The following CHN2 variants were observed in gnomAD, a reference collection of about 807,000 sequenced individuals.
CHN2 encodes the protein beta-chimaerin.
Under a neutral mutation model 56.3 loss-of-function variants are expected in CHN2, and 35 were observed. The observed-to-expected ratio is 0.62, with a 90% CI of 0.47 to 0.82. CHN2 has a LOEUF of 0.82. Ranked by LOEUF, CHN2 falls within the 40% of genes least tolerant of loss-of-function variation. The pLI is 0.00. For synonymous variants in CHN2, 210 were observed against 212.8 expected, an observed-to-expected ratio of 0.99 and a Z score of 0.12; for missense variants, 491 against 580.5, an observed-to-expected ratio of 0.85 and a Z score of 1.58.
upstream of CHN2, chr7:29,194,150 G>C (rs1488842346): frequency 6.7e-6 from 1 of 149,656 alleles, no homozygotes; most frequent in African/African-American, 2.5e-5. Flanking sequence ...CTCGCTGCTC[G>C]AGAGCCCGGC....
intron 1 of CHN2, among the ~76,000 whole-genome samples, chr7:29,350,276 A>G (rs957161112): frequency 9.3e-5 from 14 of 150,670 alleles, no homozygotes; most frequent in African/African-American, 3.5e-4. Flanking sequence ...GAACTAAATG[A>G]CCTTGAAAAC....
At chr7:29,260,423 G>A (rs1012512348) in intron 1 of CHN2, among the ~76,000 whole-genome samples, 6 of 152,058 alleles carry the variant, frequency 3.9e-5, no homozygotes, top group African/African-American at 1.2e-4. Flanking sequence ...TTTCATTTGC[G>A]GAACTGGGTA....
At chr7:29,387,624 G>C (rs1167777600) in intron 3 of CHN2, among the ~76,000 whole-genome samples, 2 of 152,184 alleles carry the variant, frequency 1.3e-5, no homozygotes, top group African/African-American at 2.4e-5. Context: ...TGCTGGCCCC[G>C]TGATCACACT....
intron 6 of CHN2, among the ~76,000 whole-genome samples, chr7:29,406,793 C>T (rs1802689123): frequency 6.6e-6 from 1 of 152,154 alleles, no homozygotes. Context: ...TGATTCCCAC[C>T]TGCATTTAAA....
chr7:29,329,824 A>G (rs117971613), intron 1 of CHN2, among the ~76,000 whole-genome samples: 2 of 152,296 alleles, frequency 1.3e-5, no homozygotes, highest in Non-Finnish European at 2.9e-5. Context: ...TCCTCTTATA[A>G]CTCTTAAAAC....
intron 1 of CHN2, among the ~76,000 whole-genome samples, chr7:29,263,317 C>T (rs1043267212): frequency 1.3e-5 from 2 of 152,206 alleles, no homozygotes; most frequent in Non-Finnish European, 2.9e-5. Context: ...GACGGAGTCT[C>T]GCTCACTCAG....
upstream of CHN2, among the ~76,000 whole-genome samples, chr7:29,190,229 T>G (rs780968410): frequency 1.8e-4 from 27 of 152,342 alleles, no homozygotes; most frequent in Non-Finnish European, 7.3e-5. Context: ...GTTGAGAAAT[T>G]GATGGCAAAA....
chr7:29,393,817 T>C (rs1001059998), intron 4 of CHN2, 107 bp downstream of exon 4: 2 of 364,002 alleles, frequency 5.5e-6, no homozygotes, highest in African/African-American at 4.4e-5. Context: ...ATATGTCTAT[T>C]GTGCAAGAGT....
At chr7:29,306,366 T>C (rs1218280326) in intron 1 of CHN2, among the ~76,000 whole-genome samples, 1 of 152,190 alleles carries the variant, frequency 6.6e-6, no homozygotes, top group Non-Finnish European at 1.5e-5. Flanking sequence ...ACTGGCATCA[T>C]GCAAAAGAAA....
intron 2 of CHN2, among the ~76,000 whole-genome samples, chr7:29,165,154 A>G (rs1795740365): frequency 6.6e-6 from 1 of 152,198 alleles, no homozygotes; most frequent in Non-Finnish European, 1.5e-5. Flanking sequence ...GAGAATAGAT[A>G]TCTAAATAAT....
intron 1 of CHN2, among the ~76,000 whole-genome samples, chr7:29,319,069 G>A (rs1562914691): frequency 1.3e-5 from 2 of 152,156 alleles, no homozygotes; most frequent in Non-Finnish European, 2.9e-5. Flanking sequence ...AGGCTAAGAC[G>A]GGAACTGAGG....
chr7:29,353,833 A>G lies in CHN2; in HGVS notation c.50-792A>G, dbSNP rs561209520. Among the ~76,000 whole-genome samples the G allele has an allele frequency of 2.1e-3, 323 of 152,290 alleles. 3 individuals are homozygous for G. The highest frequency in any genetic ancestry group is 7.5e-3 in the African/African-American group (313 of 41,566). On this transcript the variant is annotated intron_variant, in intron 1 of 12. Coordinates refer to ENST00000222792, the MANE Select transcript of CHN2 (RefSeq NM_004067.4). ...GAAAAAAAGGATTTTTTTCTGCTCT[A>G]TGAGTTAGACCGTGTTTTCCCAAGG...
chr7:29,340,259 T>G (rs1247738756), intron 1 of CHN2, among the ~76,000 whole-genome samples: 1 of 152,236 alleles, frequency 6.6e-6, no homozygotes, highest in Non-Finnish European at 1.5e-5. Flanking sequence ...TGAATTCAGG[T>G]ATATATGCCT....
intron 1 of CHN2, among the ~76,000 whole-genome samples, chr7:29,221,050 A>G (rs1408841483): frequency 6.6e-6 from 1 of 152,208 alleles, no homozygotes; most frequent in East Asian, 1.9e-4. Flanking sequence ...GACTAATTTG[A>G]TTCCGCACTT....
At chr7:29,280,524 T>G (rs1227133480) in intron 1 of CHN2, among the ~76,000 whole-genome samples, 1 of 152,160 alleles carries the variant, frequency 6.6e-6, no homozygotes, top group Non-Finnish European at 1.5e-5. Context: ...AGTTACCCAT[T>G]AGGCTGTGGG....
chr7:29,339,238 T>G (rs983824867), intron 1 of CHN2, among the ~76,000 whole-genome samples: 3 of 152,216 alleles, frequency 2.0e-5, no homozygotes, highest in African/African-American at 7.2e-5. Flanking sequence ...AAACAACCTT[T>G]TAAAAAGTTT....
At chr7:29,414,508 T>G in intron 6 of CHN2, among the ~76,000 whole-genome samples, 1 of 152,106 alleles carries the variant, frequency 6.6e-6, no homozygotes, top group East Asian at 1.9e-4. Context: ...AGTAACTTCT[T>G]CATGACCACC....
intron 6 of CHN2, among the ~76,000 whole-genome samples, chr7:29,432,902 A>T (rs2128116232): frequency 6.6e-6 from 1 of 152,300 alleles, no homozygotes; most frequent in South Asian, 2.1e-4. Flanking sequence ...TTTGTGTGGA[A>T]CCAGAGCTGA....
At chr7:29,312,619 T>C (rs1374429930) in intron 1 of CHN2, among the ~76,000 whole-genome samples, 3 of 152,156 alleles carry the variant, frequency 2.0e-5, no homozygotes, top group African/African-American at 7.2e-5. Flanking sequence ...TAAATAATAA[T>C]GAGCGTGCAG....
Sources: allele counts gnomAD v4.1 joint callset (sites outside exome capture counted in the v4.1 genomes callset), GRCh38; gene constraint gnomAD v4.1.1; transcripts MANE v1.5; gene names NCBI Gene and HGNC (gene_info 2026-07-23, HGNC 2026-07-21).